Variants in SNAP91 observed in about 807,000 individuals in gnomAD.
The protein encoded by SNAP91 is synaptosome associated protein 91.
Under a neutral mutation model 100.3 loss-of-function variants are expected in SNAP91, and 27 were observed. The observed-to-expected ratio is 0.27, with a 90% CI of 0.20 to 0.37. The LOEUF (loss-of-function observed/expected upper bound fraction) is 0.37. Ranked by LOEUF, SNAP91 falls within the 10% of genes least tolerant of loss-of-function variation. The pLI is 1.00. For missense variants in SNAP91, 986 were observed against 1,123.7 expected, an observed-to-expected ratio of 0.88 and a Z score of 1.75; for synonymous variants, 404 against 398.6, an observed-to-expected ratio of 1.01 and a Z score of -0.16.
At chr6:83,589,766 C>G (rs2093448285) in intron 22 of SNAP91, among the ~76,000 whole-genome samples, 1 of 152,164 alleles carries the variant, frequency 6.6e-6, no homozygotes, top group African/African-American at 2.4e-5. Context: ...CCTGCTTTAG[C>G]TTCCTGAGGA....
intron 7 of SNAP91, 102 bp downstream of exon 7, chr6:83,656,652 A>T: frequency 2.0e-6 from 1 of 502,308 alleles, no homozygotes. Flanking sequence ...GATATTCCAC[A>T]CAATATTGCC....
At chr6:83,623,253 T>G in intron 9 of SNAP91, 48 bp downstream of exon 9, 2 of 1,457,912 alleles carry the variant, frequency 1.4e-6, no homozygotes, top group Non-Finnish European at 1.9e-6. Flanking sequence ...CAATATATGT[T>G]GTAATAATCT....
At position 83,580,656 on chromosome 6, in the gene SNAP91, G is replaced by A. The variant is rs79117332; in HGVS notation, c.2150-57C>T. The A allele has an allele frequency of 4.9e-3, 7,193 of 1,461,998 alleles. 206 individuals carry two copies. In the African/African-American group the frequency reaches 0.076, roughly 15 times the overall value. The allele number at this position is 1,461,998 out of a possible 1,614,324, so 90.6% of individuals were successfully genotyped here. A position where few individuals can be genotyped will look rare whatever the true frequency, so the allele number is the denominator to read the frequency against. ...TTGAAAACAAAAAAAGATCATATGC[G>A]AAATTAAAGTAAAACTCTCTTTTGA... On this transcript the variant is annotated intron_variant, in intron 23 of 29. Coordinates refer to ENST00000369694, the MANE Select transcript of SNAP91 (RefSeq NM_001242792.2).
chr6:83,570,085 T>A (rs1804125624), intron 26 of SNAP91, among the ~76,000 whole-genome samples: 1 of 151,976 alleles, frequency 6.6e-6, no homozygotes, highest in Admixed American at 6.6e-5. Context: ...TTTGGAGGGC[T>A]CAGAAGAAGA....
chr6:83,699,525 T>C (rs1298502500), intron 2 of SNAP91, among the ~76,000 whole-genome samples: 1 of 152,170 alleles, frequency 6.6e-6, no homozygotes, highest in African/African-American at 2.4e-5. Context: ...ACAAAAGGTA[T>C]ATTTAGATTT....
intron 3 of SNAP91, among the ~76,000 whole-genome samples, chr6:83,663,762 G>A (rs575239767): frequency 6.6e-6 from 1 of 152,272 alleles, no homozygotes; most frequent in Admixed American, 6.5e-5. Context: ...ATTCATGAAG[G>A]TGGCTACATG....
intron 2 of SNAP91, among the ~76,000 whole-genome samples, chr6:83,697,116 T>C (rs373648512): frequency 4.7e-4 from 72 of 152,270 alleles, no homozygotes; most frequent in African/African-American, 1.7e-3. Flanking sequence ...AAGTTGTTAA[T>C]GGAAATTTTA....
At chr6:83,684,688 T>C (rs1356187374) in intron 2 of SNAP91, among the ~76,000 whole-genome samples, 1 of 152,198 alleles carries the variant, frequency 6.6e-6, no homozygotes, top group Non-Finnish European at 1.5e-5. Flanking sequence ...AAACAAGTCT[T>C]TTTTGAGAGA....
At chr6:83,592,787 A>T (rs2093952598) in intron 20 of SNAP91, among the ~76,000 whole-genome samples, 159 bp downstream of exon 20, 1 of 152,250 alleles carries the variant, frequency 6.6e-6, no homozygotes, top group African/African-American at 2.4e-5. Context: ...TTGAAATATT[A>T]ACCCTCAACG....
intron 26 of SNAP91, among the ~76,000 whole-genome samples, chr6:83,562,742 G>A (rs1362191499): frequency 6.6e-6 from 1 of 152,178 alleles, no homozygotes; most frequent in Non-Finnish European, 1.5e-5. Context: ...CCTGCTTGCT[G>A]TAAACCTACC....
chr6:83,698,835 T>G (rs1245214354), intron 2 of SNAP91, among the ~76,000 whole-genome samples: 1 of 152,300 alleles, frequency 6.6e-6, no homozygotes. Flanking sequence ...AACACCTCAC[T>G]ATAATCTGAA....
In SNAP91 at chr6:83,660,700, C is replaced by T. The variant is rs117213162; in HGVS notation, c.452+802G>A. Among the ~76,000 whole-genome samples, 247 of 151,620 alleles carry T rather than the reference C, an allele frequency of 1.6e-3. 1 individual carries two copies. Among genetic ancestry groups the T allele is most frequent in the African/African-American group, 5.7e-3 (235 of 41,306 alleles). On this transcript the variant is annotated intron_variant, in intron 5 of 29. Coordinates refer to ENST00000369694, the MANE Select transcript of SNAP91 (RefSeq NM_001242792.2). ...TATATATGTGTTTTCTAGAATGATA[C>T]GTCTCTCAAAACCAGATCAAAGTTC...
chr6:83,622,985 T>C (rs2096790353), intron 9 of SNAP91, among the ~76,000 whole-genome samples: 1 of 152,128 alleles, frequency 6.6e-6, no homozygotes, highest in African/African-American at 2.4e-5. Flanking sequence ...TAGTGACTTT[T>C]CATAGCCAAA....
At chr6:83,565,846 C>T (rs1795788905) in intron 26 of SNAP91, among the ~76,000 whole-genome samples, 1 of 152,028 alleles carries the variant, frequency 6.6e-6, no homozygotes. Context: ...ACTTGAAACC[C>T]TATGTATTGC....
intron 26 of SNAP91, among the ~76,000 whole-genome samples, chr6:83,571,576 G>T (rs1274612833): frequency 6.6e-6 from 1 of 152,178 alleles, no homozygotes; most frequent in Non-Finnish European, 1.5e-5. Context: ...TTTACCCAAA[G>T]CCTGTACCCC....
intron 22 of SNAP91, among the ~76,000 whole-genome samples, chr6:83,588,217 C>A (rs942093840): frequency 6.6e-6 from 1 of 152,224 alleles, no homozygotes; most frequent in South Asian, 2.1e-4. Flanking sequence ...ATTACAAGAA[C>A]TGTTTTGAAA....
At chr6:83,556,644 A>T (rs914568036) in intron 28 of SNAP91, among the ~76,000 whole-genome samples, 1 of 152,218 alleles carries the variant, frequency 6.6e-6, no homozygotes, top group African/African-American at 2.4e-5. Flanking sequence ...CACTAGTAAC[A>T]TAAAGATATT....
At chr6:83,691,584 A>T (rs1034369533) in intron 2 of SNAP91, among the ~76,000 whole-genome samples, 2 of 152,124 alleles carry the variant, frequency 1.3e-5, no homozygotes, top group African/African-American at 4.8e-5. Flanking sequence ...CTCAATGCAA[A>T]TATATTTAGT....
chr6:83,577,437 C>T (rs1820743431), intron 24 of SNAP91, among the ~76,000 whole-genome samples: 1 of 151,850 alleles, frequency 6.6e-6, no homozygotes, highest in Non-Finnish European at 1.5e-5. Context: ...GATTAAAAAG[C>T]TAAACCAAGT....
Sources: allele counts gnomAD v4.1 joint callset (sites outside exome capture counted in the v4.1 genomes callset), GRCh38; gene constraint gnomAD v4.1.1; transcripts MANE v1.5; gene names NCBI Gene and HGNC (gene_info 2026-07-23, HGNC 2026-07-21).